Variants in PHLDB3 observed in about 807,000 individuals in gnomAD.
PHLDB3 encodes pleckstrin homology-like domain family B member 3.
Under a neutral mutation model 85.7 loss-of-function variants are expected in PHLDB3, and 86 were observed. The ratio of observed to expected loss-of-function variants is 1.00; its 90% CI spans 0.84 to 1.20. The LOEUF (loss-of-function observed/expected upper bound fraction) is 1.20. Ranked by LOEUF, PHLDB3 falls within the 50% of genes most tolerant of loss-of-function variation. The pLI, the probability that PHLDB3 is intolerant of heterozygous loss-of-function variation, is 0.00. For missense variants in PHLDB3, 995 were observed against 873.0 expected (o/e 1.14, Z -1.76); for synonymous variants, 376 against 349.8 (o/e 1.07, Z -0.83).
At chr19:43,488,102 C>T (rs901990903) in intron 9 of PHLDB3, among the ~76,000 whole-genome samples, 2 of 150,964 alleles carry the variant, frequency 1.3e-5, no homozygotes, top group African/African-American at 4.9e-5. Flanking sequence ...TCCAGTGAGC[C>T]GAGATCTCGC....
At chr19:43,490,057 G>GGAAGGAAGGGAA (rs1395372029) in intron 9 of PHLDB3, among the ~76,000 whole-genome samples, 23 of 145,284 alleles carry the variant, frequency 1.6e-4, no homozygotes, top group Non-Finnish European at 4.5e-5. Flanking sequence ...AAGGAAGGAA[G>GGAAGGAAGGGAA]GAAGGAAGGG....
intron 3 of PHLDB3, 99 bp from the exon 4 acceptor site, chr19:43,501,970 G>C (rs1035027430): frequency 1.8e-5 from 26 of 1,484,726 alleles, no homozygotes; most frequent in Middle Eastern, 2.5e-4. Flanking sequence ...TGGACTCCAG[G>C]GACCTGAATT....
At chr19:43,479,705 T>A (rs1971004158) in intron 13 of PHLDB3, 112 bp from the exon 14 acceptor site, 2 of 697,664 alleles carry the variant, frequency 2.9e-6, no homozygotes, top group Admixed American at 4.8e-5. Flanking sequence ...CGCTACAGCC[T>A]TTAGAGGGTA....
In PHLDB3 at chr19:43,478,078, A is replaced by T; in HGVS notation, c.1757T>A (p.Val586Asp). ...GVIYFQAIEEVYYDHLRCAFK... is the reference protein window; with the variant it reads ...GVIYFQAIEEDYYDHLRCAFK... ...GGCACAGCGTAAGTGGTCATAATAGACTTCCTCAATGGCCTGGAAGTAGAT... is the reference window on the plus strand; with the variant it reads ...GGCACAGCGTAAGTGGTCATAATAGTCTTCCTCAATGGCCTGGAAGTAGAT... The change falls in exon 15 of 16, where the codon GTC becomes GAC. Residue 586 changes from valine to aspartate, a missense_variant. Transcript: ENST00000292140. The T allele has an allele frequency of 6.2e-7, 1 of 1,613,562 alleles. No homozygotes were observed.
intron 4 of PHLDB3, among the ~76,000 whole-genome samples, chr19:43,500,831 G>T (rs1291512581): frequency 1.3e-5 from 2 of 149,814 alleles, no homozygotes; most frequent in East Asian, 3.9e-4. Context: ...CACAGAAACG[G>T]TGTCTTATTA....
chr19:43,497,829 G>T lies in PHLDB3; in HGVS notation c.582C>A (p.Arg194=). The change falls in exon 5 of 16, where the codon CGC becomes CGA. Residue 194 remains arginine (R), a synonymous_variant. Coordinates refer to ENST00000292140, the MANE Select transcript of PHLDB3 (RefSeq NM_198850.4). ...SQERDRLEGL[R]QRLRKAQGQL... ...GTCCCTGGGCCTTGCGGAGTCTCTG[G>T]CGAAGACCCTCTAGGCGATCCCGTT... 6.4e-7 allele frequency: 1 copy of T among 1,571,190 alleles called. No individual in the cohort carries two copies. The highest frequency in any genetic ancestry group is 8.6e-7 in the Non-Finnish European group (1 of 1,158,614).
intron 9 of PHLDB3, among the ~76,000 whole-genome samples, chr19:43,487,580 A>AC (rs1253894877): frequency 1.4e-5 from 2 of 147,390 alleles, no homozygotes; most frequent in Non-Finnish European, 3.0e-5. Context: ...GTCTCAAAAA[A>AC]AAAAAAAAAA....
At chr19:43,496,907 A>C (rs1316663500) in intron 6 of PHLDB3, 30 of 736,422 alleles carry the variant, frequency 4.1e-5, no homozygotes, top group Non-Finnish European at 5.4e-5. Context: ...TTGCCTCATA[A>C]GTTTGTTGTA....
intron 9 of PHLDB3, among the ~76,000 whole-genome samples, 153 bp from the exon 10 acceptor site, chr19:43,487,276 G>A (rs910408322): frequency 3.3e-5 from 5 of 152,110 alleles, no homozygotes; most frequent in South Asian, 2.1e-4. Context: ...GTATGATCCC[G>A]TTTATAAGAA....
At chr19:43,476,594 T>G (rs1021795169) in intron 15 of PHLDB3, among the ~76,000 whole-genome samples, 3 of 151,038 alleles carry the variant, frequency 2.0e-5, no homozygotes, top group Non-Finnish European at 4.4e-5. Flanking sequence ...GCCCGAGAGA[T>G]AGAGGCTGCA....
chr19:43,477,956 G>C, intron 15 of PHLDB3, 91 bp downstream of exon 15: 1 of 970,416 alleles, frequency 1.0e-6, no homozygotes. Context: ...AGCTGCGGGT[G>C]GCTTTCCCCA....
intron 9 of PHLDB3, among the ~76,000 whole-genome samples, chr19:43,489,379 T>TC (rs1971261532): frequency 1.3e-5 from 2 of 151,542 alleles, no homozygotes; most frequent in African/African-American, 4.8e-5. Flanking sequence ...GTTTTTTTTT[T>TC]TTTTTTTTTA....
At chr19:43,504,188 C>G (rs535436325) in intron 1 of PHLDB3, 56 bp from the exon 2 acceptor site, 2 of 1,458,876 alleles carry the variant, frequency 1.4e-6, no homozygotes, top group South Asian at 2.7e-5. Context: ...CGGCTGAGCG[C>G]CGCTCGCGTC....
At chr19:43,488,349 G>A (rs756218233) in intron 9 of PHLDB3, among the ~76,000 whole-genome samples, 1 of 152,002 alleles carries the variant, frequency 6.6e-6, no homozygotes, top group Non-Finnish European at 1.5e-5. Flanking sequence ...CCCAGCTACT[G>A]TGGAGGCTGA....
intron 2 of PHLDB3, among the ~76,000 whole-genome samples, chr19:43,503,577 G>A (rs764394616): frequency 2.6e-5 from 4 of 152,102 alleles, no homozygotes; most frequent in Non-Finnish European, 4.4e-5. Context: ...CAAGTGCTGG[G>A]ATTACAGGCG....
At position 43,475,399 on chromosome 19, in the gene PHLDB3, G is replaced by A; in HGVS notation, c.*11C>T. The A allele has an allele frequency of 6.2e-7, 1 of 1,613,586 alleles. No individual in the cohort carries two copies. Among genetic ancestry groups the A allele is most frequent in the Middle Eastern group, 1.7e-4 (1 of 6,056 alleles). The stretch of plus-strand genomic sequence containing the variant: ...CCTCGAAGGGACTTCCCCCCAAGAG[G>A]GCGGGGCCACTCAGGGGGCGTGGTT... On this transcript the variant is annotated 3_prime_UTR_variant, in exon 16 of 16. Transcript: ENST00000292140.
chr19:43,478,921 A>C (rs989625200), intron 14 of PHLDB3, among the ~76,000 whole-genome samples: 1 of 130,044 alleles, frequency 7.7e-6, no homozygotes, highest in Non-Finnish European at 1.7e-5. Flanking sequence ...TCTCCAAAAA[A>C]CAAAAACAAA....
At chr19:43,497,309 G>T in intron 5 of PHLDB3, 30 bp from the exon 6 acceptor site, 1 of 1,389,392 alleles carries the variant, frequency 7.2e-7, no homozygotes. Flanking sequence ...AAGGGTGGAG[G>T]CCTGAATCCC....
intron 9 of PHLDB3, 65 bp downstream of exon 9, chr19:43,494,637 G>A (rs1971398408): frequency 2.3e-6 from 3 of 1,331,156 alleles, no homozygotes; most frequent in South Asian, 1.3e-5. Flanking sequence ...GGACTCTGCT[G>A]TTAGCCCCTC....
Sources: gnomAD v4.1 joint callset for allele counts (sites outside exome capture counted in the v4.1 genomes callset) on GRCh38, gnomAD v4.1.1 for gene constraint, MANE v1.5 for transcripts, NCBI Gene and HGNC (gene_info 2026-07-23, HGNC 2026-07-21) for gene names.